Variants in LPIN2 observed in about 807,000 individuals in gnomAD.
LPIN2 encodes lipin 2.
Under a neutral mutation model 111.4 loss-of-function variants are expected in LPIN2, and 55 were observed. The ratio of observed to expected loss-of-function variants is 0.49; its 90% confidence interval spans 0.40 to 0.62. The LOEUF is 0.62. Among genes scored for constraint, LPIN2 ranks in the 20% least tolerant of loss-of-function variants. The pLI is 0.00. For missense variants in LPIN2, 992 were observed against 1,112.1 expected (o/e 0.89, Z 1.54); for synonymous variants, 425 against 414.0 (o/e 1.03, Z -0.32).
intron 1 of LPIN2, among the ~76,000 whole-genome samples, chr18:2,974,850 G>A (rs2077984126): frequency 6.6e-6 from 1 of 152,172 alleles, no homozygotes; most frequent in Non-Finnish European, 1.5e-5. Flanking sequence ...TTAAAAAGTA[G>A]TTGGGTGTGG....
intron 2 of LPIN2, among the ~76,000 whole-genome samples, chr18:2,958,169 A>AAAAAAAC (rs2077650032): frequency 6.8e-6 from 1 of 146,570 alleles, no homozygotes; most frequent in South Asian, 2.2e-4. Flanking sequence ...AACAAAAAAA[A>AAAAAAAC]AAAACAGAAA....
In LPIN2 at chr18:2,926,821, G is replaced by A. The variant is rs1474421925; in HGVS notation, c.1711-16C>T. 6.2e-7 allele frequency: 1 copy of A among 1,608,382 alleles called. No individual in the cohort carries two copies. The highest frequency in any genetic ancestry group is 1.3e-5 in the African/African-American group (1 of 74,826). On this transcript the variant is annotated splice_polypyrimidine_tract_variant and intron_variant, in intron 12 of 19. Transcript: ENST00000677752. ...ATTCTGGCAGCTGTAACAGCAAGAT[G>A]ATAATGGCAACATGCAATTTTTTCC...
Position 2,958,141 on chromosome 18 carries a change from C to CAAAAAAAAAAAAAAAAAAAAA in LPIN2, c.192+2507_192+2508insTTTTTTTTTTTTTTTTTTTTT. ...TGGGCGACAAAGCGAGACTCCATCT[C>CAAAAAAAAAAAAAAAAAAAAA]AAAAAAAAAAAAAAAACAACAAAAA... On this transcript the variant is annotated intron_variant, in intron 2 of 19. Coordinates refer to ENST00000677752, the MANE Select transcript of LPIN2 (RefSeq NM_001375808.2). Among the ~76,000 whole-genome samples, 44 of 11,944 alleles carry CAAAAAAAAAAAAAAAAAAAAA rather than the reference C, an allele frequency of 3.7e-3. 9 individuals are homozygous for CAAAAAAAAAAAAAAAAAAAAA. Among genetic ancestry groups the CAAAAAAAAAAAAAAAAAAAAA allele is most frequent in the East Asian group, 0.015 (3 of 204 alleles). 7.8% of individuals were successfully genotyped at this position (11,944 alleles called of 152,430 possible). A position where few individuals can be genotyped will look rare whatever the true frequency, so the allele number is the denominator to read the frequency against.
chr18:3,006,657 G>C (rs1469520035), intron 1 of LPIN2, among the ~76,000 whole-genome samples: 1 of 152,198 alleles, frequency 6.6e-6, no homozygotes, highest in Admixed American at 6.5e-5. Context: ...CTAACACGGT[G>C]AAACCCCGTC....
chr18:2,963,313 G>C (rs1369591248), intron 1 of LPIN2, among the ~76,000 whole-genome samples: 2 of 152,010 alleles, frequency 1.3e-5, no homozygotes. Flanking sequence ...ATGTTAAACA[G>C]CCTGCTCTTG....
At chr18:2,948,031 C>T (rs10460009) in intron 4 of LPIN2, among the ~76,000 whole-genome samples, 18,715 of 152,196 alleles carry the variant, frequency 0.12, 1,721 homozygotes, top group East Asian at 0.47. Flanking sequence ...AGTCTGTCTA[C>T]CTTTTAGCTC....
intron 1 of LPIN2, among the ~76,000 whole-genome samples, chr18:3,012,602 C>A (rs1026229315): frequency 1.3e-5 from 2 of 152,210 alleles, no homozygotes; most frequent in Non-Finnish European, 2.9e-5. Context: ...ACTCGGCGGC[C>A]CCCGCCTCGC....
At chr18:3,012,559 G>C (rs1055064180) in intron 1 of LPIN2, among the ~76,000 whole-genome samples, 3 of 152,324 alleles carry the variant, frequency 2.0e-5, no homozygotes, top group East Asian at 3.9e-4. Flanking sequence ...GCGGAGGTAC[G>C]GGGCAAAGCG....
In LPIN2 at chr18:2,940,854, G is replaced by T. The variant is rs534753128; in HGVS notation, c.591-142C>A. ...AACTCTCTCTAAAATATATGAAGGA[G>T]AAGGGGGGATACACCAATGCCACCC... On this transcript the variant is annotated intron_variant, in intron 4 of 19. Coordinates refer to ENST00000677752, the MANE Select transcript of LPIN2 (RefSeq NM_001375808.2). 123 of 672,192 alleles carry T rather than the reference G, an allele frequency of 1.8e-4. No homozygotes were observed. In the Admixed American group the frequency reaches 2.5e-3, roughly 14 times the overall value. 41.6% of individuals were successfully genotyped at this position (672,192 alleles called of 1,614,324 possible). A position where few individuals can be genotyped will look rare whatever the true frequency, so the allele number is the denominator to read the frequency against.
At chr18:2,997,684 T>C (rs919688562) in intron 1 of LPIN2, among the ~76,000 whole-genome samples, 1 of 152,236 alleles carries the variant, frequency 6.6e-6, no homozygotes, top group African/African-American at 2.4e-5. Context: ...TCTTCCATAA[T>C]TACTAAAAGC....
At chr18:2,998,126 A>T (rs1467101858) in intron 1 of LPIN2, among the ~76,000 whole-genome samples, 1 of 152,214 alleles carries the variant, frequency 6.6e-6, no homozygotes, top group Non-Finnish European at 1.5e-5. Context: ...GAATCTTCAG[A>T]AACGTAAGGA....
chr18:2,983,718 T>C (rs1431944400), intron 1 of LPIN2, among the ~76,000 whole-genome samples: 2 of 152,136 alleles, frequency 1.3e-5, no homozygotes, highest in Non-Finnish European at 2.9e-5. Context: ...ACTCATAATT[T>C]CTAATATATA....
intron 1 of LPIN2, among the ~76,000 whole-genome samples, chr18:2,995,938 T>A (rs2078333685): frequency 6.6e-6 from 1 of 152,192 alleles, no homozygotes; most frequent in African/African-American, 2.4e-5. Flanking sequence ...TCCTTCACAG[T>A]CACATTTTTT....
chr18:2,992,540 C>T (rs1272344396), intron 1 of LPIN2, among the ~76,000 whole-genome samples: 3 of 152,084 alleles, frequency 2.0e-5, no homozygotes, highest in African/African-American at 7.2e-5. Flanking sequence ...ATGGTTGAAT[C>T]TTACTACAAT....
Position 2,934,456 on chromosome 18 carries a change from T to TA in LPIN2, c.1169-7dup, listed in dbSNP as rs746626720. On this transcript the variant is annotated splice_region_variant and splice_polypyrimidine_tract_variant and intron_variant, in intron 7 of 19. Coordinates refer to ENST00000677752, the MANE Select transcript of LPIN2 (RefSeq NM_001375808.2). ...TTGGCTTCTTTTGTGAACACCTGTT[T>TA]AAAAAAAAAATCAGAGGTAAGAATT... is the stretch of plus-strand genomic sequence containing the variant. 5,875 of 1,474,198 alleles carry TA rather than the reference T, an allele frequency of 4.0e-3. No homozygotes were observed. The highest frequency in any genetic ancestry group is 4.7e-3 in the Non-Finnish European group (4,998 of 1,072,926). The allele number at this position is 1,474,198 out of a possible 1,614,324, so 91.3% of individuals were successfully genotyped here.
chr18:2,949,595 CAA>C (rs752315813), intron 4 of LPIN2, among the ~76,000 whole-genome samples: 4 of 151,872 alleles, frequency 2.6e-5, no homozygotes, highest in East Asian at 1.9e-4. Context: ...AGCAATAAAA[CAA>C]GAGGAGTAGA....
intron 1 of LPIN2, chr18:2,991,030 G>C (rs2078257451): frequency 3.5e-6 from 2 of 568,870 alleles, no homozygotes; most frequent in Admixed American, 3.8e-5. Context: ...GAGACCTCTT[G>C]CTTGTCCCAT....
At chr18:2,993,888 T>G (rs2078302951) in intron 1 of LPIN2, among the ~76,000 whole-genome samples, 1 of 152,146 alleles carries the variant, frequency 6.6e-6, no homozygotes, top group South Asian at 2.1e-4. Context: ...GACACAACCA[T>G]ACACAGATTT....
Position 2,925,476 on chromosome 18 carries a change from T to C in LPIN2, c.1794-108A>G. ...AGATATCCTAAATCTTTTCTAGGAA[T>C]GGGTAGAGTTATCCCTTCTGCCATT... On this transcript the variant is annotated intron_variant, in intron 13 of 19. Transcript: ENST00000677752. This position sits in a 1 kb window ranked among gnomAD's most constrained non-coding sequence, Gnocchi z 4.1. 2 of 1,427,058 alleles carry C rather than the reference T, an allele frequency of 1.4e-6. No homozygotes were observed. The highest frequency in any genetic ancestry group is 1.2e-5 in the South Asian group (1 of 85,140). The allele number at this position is 1,427,058 out of a possible 1,614,324, so 88.4% of individuals were successfully genotyped here.
Sources: gnomAD v4.1 joint callset for allele counts (sites outside exome capture counted in the v4.1 genomes callset) on GRCh38, gnomAD v4.1.1 for gene constraint, Gnocchi (gnomAD v3.1) non-coding constraint, MANE v1.5 for transcripts, NCBI Gene and HGNC (gene_info 2026-07-23, HGNC 2026-07-21) for gene names.